Variants in SETD7 observed in about 807,000 individuals in gnomAD.
SETD7 encodes histone-lysine N-methyltransferase SETD7.
SETD7 carries 16 observed loss-of-function variants against 41.8 expected under a neutral mutation model. That is an observed-to-expected ratio of 0.38 (90% CI 0.26 to 0.58). The LOEUF (loss-of-function observed/expected upper bound fraction) is 0.58, where lower values mean the gene tolerates loss of function less well. Ranked by LOEUF, SETD7 falls within the 20% of genes least tolerant of loss-of-function variation. The pLI is 0.64. For synonymous variants in SETD7, 163 were observed against 169.7 expected (o/e 0.96, Z 0.31); for missense variants, 346 against 459.7 (o/e 0.75, Z 2.26).
chr4:139,503,810 A>G (rs1268155466), downstream of SETD7, among the ~76,000 whole-genome samples: 3 of 152,172 alleles, frequency 2.0e-5, no homozygotes, highest in African/African-American at 4.8e-5. Context: ...GAGAGCCCCA[A>G]ACTGGTTCAG....
intron 7 of SETD7, among the ~76,000 whole-genome samples, chr4:139,516,563 T>C (rs1435772545): frequency 6.6e-6 from 1 of 151,944 alleles, no homozygotes; most frequent in South Asian, 2.1e-4. Flanking sequence ...TCTATTTGTC[T>C]GGACCTTTGT....
At chr4:139,530,950 C>T (rs796221497) in intron 3 of SETD7, among the ~76,000 whole-genome samples, 1 of 152,178 alleles carries the variant, frequency 6.6e-6, no homozygotes, top group African/African-American at 2.4e-5. Flanking sequence ...CAGAAATTTC[C>T]TCCTCTGCTG....
Position 139,496,988 on chromosome 4 carries a change from A to G in SETD7, c.921-467T>C, listed in dbSNP as rs574566155. Among the ~76,000 whole-genome samples the G allele has an allele frequency of 3.3e-5, 5 of 152,314 alleles. No individual in the cohort carries two copies. In the South Asian group the frequency reaches 1.0e-3, roughly 32 times the overall value. ...TGCCTATAATGCCCAGCCAGTACTAATGATCTTATAACTCGTGTTTTACAG... is the reference window on the plus strand; with the variant it reads ...TGCCTATAATGCCCAGCCAGTACTAGTGATCTTATAACTCGTGTTTTACAG... On this transcript the variant is annotated intron_variant, in intron 7 of 7. Coordinates refer to the SETD7 transcript ENST00000506866.
downstream of SETD7, among the ~76,000 whole-genome samples, chr4:139,502,207 T>C (rs893717995): frequency 6.6e-6 from 1 of 152,232 alleles, no homozygotes; most frequent in Non-Finnish European, 1.5e-5. Context: ...GTTAAGGATA[T>C]GTTAGTGAAT....
At chr4:139,501,030 G>A (rs1482536205) in intron 7 of SETD7, among the ~76,000 whole-genome samples, 3 of 151,956 alleles carry the variant, frequency 2.0e-5, no homozygotes, top group Admixed American at 6.6e-5. Context: ...AGGAAATGAG[G>A]TCTTCCCTGA....
rs1350282753 is a variant in SETD7 at position 139,510,742 on chromosome 4, CAAG to C, written c.*918_*920del. 5 of 152,390 alleles carry C rather than the reference CAAG, an allele frequency of 3.3e-5. No homozygotes were observed. The highest frequency in any genetic ancestry group is 7.4e-5 in the Non-Finnish European group (5 of 68,012). The allele number at this position is 152,390 out of a possible 1,614,324, so 9.4% of individuals were successfully genotyped here. ...ATGTTATGTACATTTAATGTGTACT[CAAG>C]GAGGAAAAAATTACTAGCACTACTG... is the stretch of plus-strand genomic sequence containing the variant. On this transcript the variant is annotated 3_prime_UTR_variant, in exon 8 of 8. Transcript: ENST00000274031.
chr4:139,525,029 C>T (rs1727286473), intron 4 of SETD7, among the ~76,000 whole-genome samples: 1 of 152,176 alleles, frequency 6.6e-6, no homozygotes, highest in Non-Finnish European at 1.5e-5. Context: ...GTTGGCCAGG[C>T]TGGTCTTGAA....
In SETD7 at chr4:139,509,658, C is replaced by T. The variant is rs1297030300; in HGVS notation, c.*2005G>A. 1.0e-6 allele frequency: 1 copy of T among 974,838 alleles called. No individual in the cohort carries two copies. The highest frequency in any genetic ancestry group is 1.8e-5 in the African/African-American group (1 of 57,026). The allele number at this position is 974,838 out of a possible 1,614,324, so 60.4% of individuals were successfully genotyped here. Reference sequence around the variant, plus strand: ...ATGCAAGCCATCTTTCTCCTGAAGACAGTCACTCCCTTTGGGCACATTTAA... The same window carrying T: ...ATGCAAGCCATCTTTCTCCTGAAGATAGTCACTCCCTTTGGGCACATTTAA... On this transcript the variant is annotated 3_prime_UTR_variant, in exon 8 of 8. Transcript: ENST00000274031.
At chr4:139,501,559 C>G (rs1560670593), downstream of SETD7, among the ~76,000 whole-genome samples, 1 of 151,830 alleles carries the variant, frequency 6.6e-6, no homozygotes, top group Non-Finnish European at 1.5e-5. Context: ...AACAAAAAAC[C>G]ACTTGTACCC....
At chr4:139,537,124 C>T (rs536972619) in intron 2 of SETD7, among the ~76,000 whole-genome samples, 1 of 152,212 alleles carries the variant, frequency 6.6e-6, no homozygotes, top group East Asian at 1.9e-4. Context: ...TACAGGCACG[C>T]GCCAACACGC....
downstream of SETD7, among the ~76,000 whole-genome samples, chr4:139,503,921 T>C (rs1392463333): frequency 6.6e-6 from 1 of 152,204 alleles, no homozygotes; most frequent in African/African-American, 2.4e-5. Flanking sequence ...TAGAAGAGAC[T>C]TTCCTTTTCA....
intron 4 of SETD7, among the ~76,000 whole-genome samples, chr4:139,527,314 G>A (rs952384932): frequency 6.6e-6 from 1 of 152,238 alleles, no homozygotes; most frequent in African/African-American, 2.4e-5. Context: ...AGCACTATGA[G>A]AGTCCGAGGC....
chr4:139,556,035 C>T, intron 1 of SETD7, 63 bp downstream of exon 1: 1 of 1,494,060 alleles, frequency 6.7e-7, no homozygotes, highest in Admixed American at 2.1e-5. Context: ...TCGCAGCCCG[C>T]CACTCCTTCC....
At chr4:139,551,247 G>A (rs1186453824) in intron 1 of SETD7, among the ~76,000 whole-genome samples, 1 of 152,242 alleles carries the variant, frequency 6.6e-6, no homozygotes, top group Non-Finnish European at 1.5e-5. Context: ...CAGCCTTCCA[G>A]GCGAGTTCCC....
chr4:139,517,866 A>G lies in SETD7; in HGVS notation c.920+19T>C, dbSNP rs931154330. ...CCCTGAGGCATAGATCCGCCCCAGCAGCTCTGGGTAATACTTACATATCGT... is the reference window on the plus strand; with the variant it reads ...CCCTGAGGCATAGATCCGCCCCAGCGGCTCTGGGTAATACTTACATATCGT... On this transcript the variant is annotated intron_variant, in intron 7 of 7. Coordinates refer to ENST00000274031, the MANE Select transcript of SETD7 (RefSeq NM_030648.4). The G allele has an allele frequency of 1.4e-5, 22 of 1,603,026 alleles. No homozygotes were observed. The Admixed American group carries it at 3.0e-4, about 22-fold the overall frequency.
intron 5 of SETD7, among the ~76,000 whole-genome samples, chr4:139,522,756 T>TTC (rs1198387378): frequency 2.0e-5 from 3 of 146,594 alleles, no homozygotes; most frequent in Non-Finnish European, 4.5e-5. Context: ...TTTTTTTTTT[T>TTC]TTTTTTTTTT....
At chr4:139,503,359 G>A (rs1040427457), downstream of SETD7, among the ~76,000 whole-genome samples, 4 of 151,828 alleles carry the variant, frequency 2.6e-5, no homozygotes, top group African/African-American at 7.3e-5. Flanking sequence ...AGAAGGGCAG[G>A]AGAGAGAGCT....
At position 139,555,065 on chromosome 4, in the gene SETD7, G is replaced by C. The variant is rs1225995431; in HGVS notation, c.40+1033C>G. On this transcript the variant is annotated intron_variant, in intron 1 of 7. Transcript: ENST00000274031. This position sits in a 1 kb window ranked among gnomAD's most constrained non-coding sequence, Gnocchi z 4.0. The stretch of plus-strand genomic sequence containing the variant: ...ACATCACGACGTACTGTATGGAGTG[G>C]AACCAAATAAATACGCTAAAGAGTA... Among the ~76,000 whole-genome samples, 1 of 150,966 alleles carries C rather than the reference G, an allele frequency of 6.6e-6. No homozygotes were observed. The highest frequency in any genetic ancestry group is 1.5e-5 in the Non-Finnish European group (1 of 67,926).
At position 139,509,150 on chromosome 4, in the gene SETD7, G is replaced by C. The variant is rs530902105; in HGVS notation, c.*2513C>G. On this transcript the variant is annotated 3_prime_UTR_variant, in exon 8 of 8. Transcript: ENST00000274031. ...ACAGGAGAGGGCAGCTGGGGCTGCT[G>C]TTACCCAGGATGCCCAGGCGTTCTC... The C allele has an allele frequency of 6.5e-6, 1 of 152,872 alleles. No homozygotes were observed. The highest frequency in any genetic ancestry group is 1.9e-4 in the East Asian group (1 of 5,198). 9.5% of individuals were successfully genotyped at this position (152,872 alleles called of 1,614,324 possible). A position where few individuals can be genotyped will look rare whatever the true frequency, so the allele number is the denominator to read the frequency against.
Sources: allele counts gnomAD v4.1 joint callset (sites outside exome capture counted in the v4.1 genomes callset), GRCh38; gene constraint gnomAD v4.1.1; non-coding constraint Gnocchi (gnomAD v3.1); transcripts MANE v1.5; gene names NCBI Gene and HGNC (gene_info 2026-07-23, HGNC 2026-07-21).